Variants in RASGRF1 observed in about 807,000 individuals in gnomAD.
RASGRF1 encodes the protein ras-specific guanine nucleotide-releasing factor 1.
A neutral mutation model predicts 138.7 loss-of-function variants in RASGRF1; 40 were observed. The ratio of observed to expected loss-of-function variants is 0.29; its 90% confidence interval spans 0.22 to 0.38. The LOEUF (loss-of-function observed/expected upper bound fraction) is 0.38. RASGRF1 is among the 10% of genes least tolerant of loss of function. The pLI is 1.00. For synonymous variants in RASGRF1, 614 were observed against 663.2 expected (o/e 0.93, Z 1.14); for missense variants, 1,108 against 1,650.4 (o/e 0.67, Z 5.69).
At chr15:79,016,080 TCTTGGGG>T (rs2056875117) in intron 12 of RASGRF1, among the ~76,000 whole-genome samples, 1 of 152,190 alleles carries the variant, frequency 6.6e-6, no homozygotes, top group Non-Finnish European at 1.5e-5. Context: ...AAACTGCATC[TCTTGGGG>T]GAGCTGCCTC....
intron 1 of RASGRF1, among the ~76,000 whole-genome samples, chr15:79,065,478 G>GCCCAGGTT (rs2057666526): frequency 1.3e-5 from 2 of 152,002 alleles, no homozygotes; most frequent in South Asian, 4.2e-4. Flanking sequence ...CAGGGACAAA[G>GCCCAGGTT]CCCAGGTTTC....
rs1321352274 is a variant in RASGRF1, at chr15:79,012,637, AT to A, written c.1826+2689del. ...CACCATCATTATTCAAAATTTTGTT[AT>A]TTTTTTCTTTCATAGGTGATTTTAA... On this transcript the variant is annotated intron_variant, in intron 13 of 26. Transcript: ENST00000558480. 11 of 1,481,498 alleles carry A rather than the reference AT, an allele frequency of 7.4e-6. No individual in the cohort carries two copies. In the South Asian group the frequency reaches 8.9e-5, roughly 12 times the overall value. 91.8% of individuals were successfully genotyped at this position (1,481,498 alleles called of 1,614,324 possible).
At chr15:79,011,213 G>A (rs911311910) in intron 13 of RASGRF1, among the ~76,000 whole-genome samples, 12 of 152,036 alleles carry the variant, frequency 7.9e-5, no homozygotes, top group Non-Finnish European at 1.5e-4. Flanking sequence ...TCGCGTTACC[G>A]TGATCTGACC....
intron 22 of RASGRF1, among the ~76,000 whole-genome samples, chr15:78,986,501 CAT>C (rs2056161686): frequency 6.6e-6 from 1 of 151,952 alleles, no homozygotes; most frequent in Admixed American, 6.6e-5. Flanking sequence ...CACACACCAC[CAT>C]GCCTGACTAA....
At position 78,999,766 on chromosome 15, in the gene RASGRF1, C is replaced by T. The variant is rs759233302; in HGVS notation, c.2723G>A (p.Arg908Gln). 28 of 1,613,882 alleles carry T rather than the reference C, an allele frequency of 1.7e-5. No homozygotes were observed. Among genetic ancestry groups the T allele is most frequent in the Admixed American group, 5.0e-5 (3 of 60,006 alleles). ...NEGTPNKEKYRRMSLASAGFP... is the reference protein window; with the variant it reads ...NEGTPNKEKYQRMSLASAGFP... ...ACCTGCACTGGCTAAGGACATCCTC[C>T]GGTACTTCTCCTTGTTTGGGGTGCC... The change falls in exon 17 of 27, where the codon CGG becomes CAG. Residue 908 changes from arginine to glutamine, a missense_variant. Arg to Gln is a conservative substitution (Grantham distance 43). Around this residue, in one of 3 missense-constraint regions of RASGRF1, gnomAD observed 686 missense variants for 976.7 expected, o/e 0.70. Transcript: ENST00000558480.
chr15:79,042,799 C>G (rs1425309500), intron 5 of RASGRF1, among the ~76,000 whole-genome samples: 1 of 152,214 alleles, frequency 6.6e-6, no homozygotes, highest in Non-Finnish European at 1.5e-5. Flanking sequence ...GCAGGTCCCA[C>G]AAAGCCCTGC....
chr15:79,000,212 T>G (rs1381644135), intron 16 of RASGRF1, among the ~76,000 whole-genome samples: 1 of 152,190 alleles, frequency 6.6e-6, no homozygotes, highest in Non-Finnish European at 1.5e-5. Context: ...CCCCTTCACC[T>G]CTCAGGTCCA....
intron 3 of RASGRF1, among the ~76,000 whole-genome samples, chr15:79,052,845 C>T (rs1353789325): frequency 6.6e-6 from 1 of 152,092 alleles, no homozygotes; most frequent in Non-Finnish European, 1.5e-5. Context: ...AGCAGGGCCA[C>T]AGCAGGGAGG....
At chr15:78,964,321 T>G (rs1172111561) in intron 26 of RASGRF1, among the ~76,000 whole-genome samples, 1 of 151,980 alleles carries the variant, frequency 6.6e-6, no homozygotes, top group Non-Finnish European at 1.5e-5. Context: ...ATTACAGGCA[T>G]GCGTCACCAT....
chr15:78,998,319 G>GTCAGC, intron 18 of RASGRF1, 111 bp from the exon 19 acceptor site: 1 of 898,444 alleles, frequency 1.1e-6, no homozygotes, highest in Non-Finnish European at 1.8e-6. Context: ...CCCAGGGCAG[G>GTCAGC]CTGACCTGCC....
chr15:78,962,390 G>T (rs543577810), intron 26 of RASGRF1, among the ~76,000 whole-genome samples, 154 bp from the exon 27 acceptor site: 17 of 152,242 alleles, frequency 1.1e-4, no homozygotes, highest in African/African-American at 3.4e-4. Flanking sequence ...GTTCCATCTT[G>T]ACATAAGTTT....
chr15:79,015,525 C>A, intron 12 of RASGRF1, 116 bp from the exon 13 acceptor site: 1 of 911,006 alleles, frequency 1.1e-6, no homozygotes, highest in Non-Finnish European at 1.7e-6. Flanking sequence ...GGTCCTCAAG[C>A]TTCAAGGGCA....
chr15:79,085,901 G>T (rs2057973071), intron 1 of RASGRF1, among the ~76,000 whole-genome samples: 1 of 152,228 alleles, frequency 6.6e-6, no homozygotes, highest in African/African-American at 2.4e-5. Context: ...TTTAGTTCAG[G>T]CTTGTGGATG....
intron 5 of RASGRF1, among the ~76,000 whole-genome samples, chr15:79,041,189 T>G (rs1336313657): frequency 6.6e-6 from 1 of 152,236 alleles, no homozygotes; most frequent in Non-Finnish European, 1.5e-5. Flanking sequence ...AAAGTTTTAT[T>G]GTAATATAGC....
intron 5 of RASGRF1, among the ~76,000 whole-genome samples, chr15:79,043,460 C>T (rs535570152): frequency 3.9e-5 from 6 of 152,328 alleles, no homozygotes; most frequent in South Asian, 4.1e-4. Flanking sequence ...AAACACTTTA[C>T]ACCAAGTCTC....
intron 9 of RASGRF1, among the ~76,000 whole-genome samples, chr15:79,026,737 T>C (rs1369836478): frequency 6.6e-6 from 1 of 152,166 alleles, no homozygotes; most frequent in Non-Finnish European, 1.5e-5. Flanking sequence ...GGGTCATTTC[T>C]TGGGCTACTT....
chr15:79,041,956 A>G (rs576842449), intron 5 of RASGRF1, among the ~76,000 whole-genome samples: 1 of 152,328 alleles, frequency 6.6e-6, no homozygotes, highest in Admixed American at 6.5e-5. Flanking sequence ...AGGAAGCAAG[A>G]TACAAACCAT....
In RASGRF1 at chr15:78,998,769, T is replaced by C. The variant is rs1236586465; in HGVS notation, c.2803A>G (p.Thr935Ala). The change falls in exon 18 of 27, where the codon ACC (threonine) becomes GCC (alanine). Residue 935 changes from threonine to alanine, a missense_variant. Physicochemically the swap from Thr to Ala is moderately conservative, Grantham distance 58 (BLOSUM62 0). This residue lies in a region of RASGRF1 where 686 missense variants were observed against 976.7 expected (regional missense o/e 0.70). Coordinates refer to ENST00000558480, the MANE Select transcript of RASGRF1 (RefSeq NM_001145648.3). ...CGGAGCACGTTCAAGACACGATTGG[T>C]GGCTGCTCTGCGGATCACAAACTCC... ...DKEFVIRRAA[T>A]NRVLNVLRHW... 6.2e-7 allele frequency: 1 copy of C among 1,614,136 alleles called. No individual in the cohort carries two copies. The highest frequency in any genetic ancestry group is 8.5e-7 in the Non-Finnish European group (1 of 1,179,990).
chr15:79,074,377 G>A (rs1334643450), intron 1 of RASGRF1, among the ~76,000 whole-genome samples: 1 of 152,228 alleles, frequency 6.6e-6, no homozygotes, highest in East Asian at 1.9e-4. Context: ...GGCAGTTGAT[G>A]TGAGGGTCAA....
Sources: gnomAD v4.1 joint callset for allele counts (sites outside exome capture counted in the v4.1 genomes callset) on GRCh38, gnomAD v4.1.1 for gene constraint, gnomAD v4.1.1 regional missense constraint, MANE v1.5 for transcripts, NCBI Gene and HGNC (gene_info 2026-07-23, HGNC 2026-07-21) for gene names.